The following MON2 variants were observed in gnomAD, a reference collection of about 807,000 sequenced individuals.
MON2 encodes the protein protein MON2 homolog.
In MON2, 84 loss-of-function variants were observed where a neutral mutation model predicts 208.6. The ratio of observed to expected loss-of-function variants is 0.40; its 90% CI spans 0.34 to 0.48. MON2 has a LOEUF of 0.48. Ranked by LOEUF, MON2 falls within the 20% of genes least tolerant of loss-of-function variation. The probability of loss-of-function intolerance (pLI) is 0.59; values close to 1 mark genes in which losing one functional copy is unlikely to be tolerated. For synonymous variants in MON2, 660 were observed against 694.0 expected (o/e 0.95, Z 0.77); for missense variants, 1,611 against 2,015.4 (o/e 0.80, Z 3.84).
chr12:62,472,204 C>T (rs951861685), intron 1 of MON2, among the ~76,000 whole-genome samples: 1 of 152,122 alleles, frequency 6.6e-6, no homozygotes, highest in Non-Finnish European at 1.5e-5. Flanking sequence ...AGGTTAAAGG[C>T]TAGCAGCACC....
intron 12 of MON2, 53 bp downstream of exon 12, chr12:62,532,723 T>C: frequency 7.1e-7 from 1 of 1,408,348 alleles, no homozygotes; most frequent in Non-Finnish European, 9.9e-7. Context: ...ATTTACAATT[T>C]GCAAAAATTG....
intron 31 of MON2, among the ~76,000 whole-genome samples, chr12:62,579,721 A>G (rs2074934416): frequency 6.6e-6 from 1 of 152,142 alleles, no homozygotes; most frequent in Non-Finnish European, 1.5e-5. Context: ...GCAAGACTCC[A>G]TTTCAAAATA....
chr12:62,497,312 A>G lies in MON2; in HGVS notation c.436-1607A>G, dbSNP rs541717995. 3.3e-5 allele frequency among the ~76,000 whole-genome samples: 5 copies of G among 152,278 alleles called. No individual in the cohort carries two copies. The South Asian group carries it at 1.0e-3, about 32-fold the overall frequency. On this transcript the variant is annotated intron_variant, in intron 4 of 34. Coordinates refer to ENST00000393630, the MANE Select transcript of MON2 (RefSeq NM_015026.3). ...ACATGTACCCTAAAACTTAAAGTAT[A>G]ATAAAAAAAATTCATTCATAACACA...
intron 8 of MON2, among the ~76,000 whole-genome samples, chr12:62,513,993 G>C (rs2071556306): frequency 6.8e-6 from 1 of 147,064 alleles, no homozygotes; most frequent in Non-Finnish European, 1.5e-5. Context: ...CCTTCTGCCA[G>C]TTACCCTAAA....
chr12:62,507,150 A>G (rs1324611248), intron 7 of MON2, among the ~76,000 whole-genome samples: 1 of 204 alleles, frequency 4.9e-3, no homozygotes, highest in African/African-American at 8.2e-3. Flanking sequence ...TAAGTTAATT[A>G]TTAAATCTTC....
At chr12:62,527,952 C>A (rs1234169204) in intron 11 of MON2, among the ~76,000 whole-genome samples, 1 of 151,940 alleles carries the variant, frequency 6.6e-6, no homozygotes, top group Admixed American at 6.6e-5. Context: ...TTTATTGATA[C>A]TGGATTTTAA....
In MON2 at chr12:62,525,092, G is replaced by T. The variant is rs1463863636; in HGVS notation, c.1118G>T (p.Cys373Phe). The change falls in exon 10 of 35, where the codon TGT (cysteine) becomes TTT (phenylalanine). Residue 373 changes from cysteine to phenylalanine, a missense_variant. By Grantham distance (205) the Cys-to-Phe change is radical (BLOSUM62 -2). Transcript: ENST00000393630. The part of the protein sequence containing the change: ...CVQPQLLRSF[C>F]QSYDMKQHST... ...TTTAAATTATTTTACAGGTCATTTT[G>T]TCAGTCCTATGATATGAAACAGCAT... is the stretch of plus-strand genomic sequence containing the variant. 1 of 1,608,022 alleles carries T rather than the reference G, an allele frequency of 6.2e-7. No individual in the cohort carries two copies. Among genetic ancestry groups the T allele is most frequent in the African/African-American group, 1.3e-5 (1 of 74,690 alleles).
chr12:62,525,806 T>C, intron 10 of MON2, 143 bp from the exon 11 acceptor site: 1 of 655,224 alleles, frequency 1.5e-6, no homozygotes, highest in Non-Finnish European at 2.6e-6. Context: ...AAAGTAGTAC[T>C]GATAAATTTC....
Position 62,593,009 on chromosome 12 carries a change from C to T in MON2, c.*260C>T, listed in dbSNP as rs1017571624. ...AATTAACACTACAGTATACATGCTA[C>T]CATATCTCCAGTTGGTGATTTAAAG... On this transcript the variant is annotated 3_prime_UTR_variant, in exon 35 of 35. Coordinates refer to ENST00000393630, the MANE Select transcript of MON2 (RefSeq NM_015026.3). 1.4e-5 allele frequency: 4 copies of T among 282,072 alleles called. No individual in the cohort carries two copies. Among genetic ancestry groups the T allele is most frequent in the African/African-American group, 4.3e-5 (2 of 46,786 alleles). The allele number at this position is 282,072 out of a possible 1,614,324, so 17.5% of individuals were successfully genotyped here. A position where few individuals can be genotyped will look rare whatever the true frequency, so the allele number is the denominator to read the frequency against.
At chr12:62,499,289 A>T (rs902652296) in intron 5 of MON2, among the ~76,000 whole-genome samples, 3 of 152,190 alleles carry the variant, frequency 2.0e-5, no homozygotes, top group Non-Finnish European at 2.9e-5. Flanking sequence ...GTATTGCATT[A>T]TATGTATTTT....
chr12:62,526,112 A>G lies in MON2; in HGVS notation c.1400+10A>G, dbSNP rs1429422650. On this transcript the variant is annotated intron_variant, in intron 11 of 34. Transcript: ENST00000393630. ...GTGCTAAAGCCACCTAGTAAGTAGT[A>G]GCAGCATTATTTTATAAGGAATGAT... The G allele has an allele frequency of 1.2e-6, 2 of 1,609,806 alleles. No individual in the cohort carries two copies. The highest frequency in any genetic ancestry group is 2.2e-5 in the East Asian group (1 of 44,804).
At chr12:62,518,096 C>T (rs772481453) in intron 8 of MON2, among the ~76,000 whole-genome samples, 69 of 152,148 alleles carry the variant, frequency 4.5e-4, no homozygotes, top group Non-Finnish European at 7.9e-4. Flanking sequence ...AGATGTCTGT[C>T]TTCTCATTTT....
chr12:62,548,976 A>T (rs1324808085), intron 22 of MON2, among the ~76,000 whole-genome samples: 3 of 152,184 alleles, frequency 2.0e-5, no homozygotes, highest in Non-Finnish European at 2.9e-5. Flanking sequence ...GTGTGTATTT[A>T]CATGTACTGG....
In MON2 at chr12:62,498,989, T is replaced by TGCGA; in HGVS notation, c.507_510dup (p.Gln171AlafsTer9). ...ACAAATAATACAGCTGCTGCTACAGTGCGACAAGTTGTTACTGTTGTTTTT... is the reference window on the plus strand; with the variant it reads ...ACAAATAATACAGCTGCTGCTACAGTGCGAGCGACAAGTTGTTACTGTTGTTTTT... On this transcript the variant is annotated frameshift_variant, in exon 5 of 35. Transcript: ENST00000393630. LOFTEE classifies it high-confidence loss of function. 6.2e-7 allele frequency: 1 copy of TGCGA among 1,613,178 alleles called. No individual in the cohort carries two copies. The highest frequency in any genetic ancestry group is 8.5e-7 in the Non-Finnish European group (1 of 1,179,638).
chr12:62,494,885 A>G (rs1443222727), intron 3 of MON2, 131 bp from the exon 4 acceptor site: 20 of 563,508 alleles, frequency 3.5e-5, no homozygotes, highest in Non-Finnish European at 5.7e-5. Context: ...TAGAAATCTA[A>G]AAATATGGGT....
rs2074292614 is a variant in MON2, at chr12:62,564,195, A to T, written c.4033-1042A>T. On this transcript the variant is annotated intron_variant, in intron 26 of 34. Transcript: ENST00000393630. ...AAAGTTCCGTTATAGCTAAATGGCT[A>T]CATCTCCTCTGAGGGAAAATAAAAC... 2.0e-5 allele frequency among the ~76,000 whole-genome samples: 3 copies of T among 152,136 alleles called. No homozygotes were observed. The South Asian group carries it at 6.2e-4, about 31-fold the overall frequency.
At chr12:62,560,403 T>A (rs2074153382) in intron 25 of MON2, 88 bp from the exon 26 acceptor site, 1 of 1,329,954 alleles carries the variant, frequency 7.5e-7, no homozygotes, top group Non-Finnish European at 1.0e-6. Flanking sequence ...AGCAGAAAAA[T>A]TAAGCAAATA....
chr12:62,551,641 C>A (rs1465523026), intron 23 of MON2, among the ~76,000 whole-genome samples: 3 of 152,068 alleles, frequency 2.0e-5, no homozygotes, highest in African/African-American at 7.2e-5. Flanking sequence ...TGCCACAAAC[C>A]TTTATAAATT....
intron 24 of MON2, 70 bp from the exon 25 acceptor site, chr12:62,555,924 T>C: frequency 8.8e-7 from 1 of 1,137,464 alleles, no homozygotes; most frequent in Non-Finnish European, 1.3e-6. Context: ...ATTCTTATGC[T>C]GTTGCTCCTA....
Sources: gnomAD v4.1 joint callset for allele counts (sites outside exome capture counted in the v4.1 genomes callset) on GRCh38, gnomAD v4.1.1 for gene constraint, MANE v1.5 for transcripts, NCBI Gene and HGNC (gene_info 2026-07-23, HGNC 2026-07-21) for gene names.